Variants in GALNT13 observed in about 807,000 individuals in gnomAD.
GALNT13 encodes the protein UDP-GalNAc:polypeptide N-acetylgalactosaminyltransferase 13.
A neutral mutation model predicts 64.2 loss-of-function variants in GALNT13; 28 were observed. The ratio of observed to expected loss-of-function variants is 0.44; its 90% CI spans 0.32 to 0.60. GALNT13 has a LOEUF of 0.60. Ranked by LOEUF, GALNT13 falls within the 20% of genes least tolerant of loss-of-function variation. GALNT13 has a pLI of 0.05. For synonymous variants in GALNT13, 214 were observed against 224.6 expected (o/e 0.95, Z 0.42); for missense variants, 577 against 669.8 (o/e 0.86, Z 1.53).
At chr2:153,205,353 C>T in the GALNT13 span, among the ~76,000 whole-genome samples, 6,691 of 151,996 alleles carry the variant, frequency 0.044, 508 homozygotes, top group African/African-American at 0.15. Flanking sequence ...GATCTAATGT[C>T]ACTTCCGTCT....
At chr2:153,087,227 A>G in the GALNT13 span, among the ~76,000 whole-genome samples, 3 of 152,110 alleles carry the variant, frequency 2.0e-5, no homozygotes, top group African/African-American at 7.2e-5. Context: ...TTCTGCTTCT[A>G]TTGAGATGAT....
chr2:153,413,093 G>A, the GALNT13 span, among the ~76,000 whole-genome samples: 3 of 152,090 alleles, frequency 2.0e-5, no homozygotes, highest in East Asian at 1.9e-4. Flanking sequence ...GCCCAAAAGG[G>A]GAGAGTTGGA....
At chr2:153,632,782 C>T in the GALNT13 span, among the ~76,000 whole-genome samples, 2 of 151,838 alleles carry the variant, frequency 1.3e-5, no homozygotes, top group African/African-American at 4.8e-5. Flanking sequence ...GATGGAGTCT[C>T]ACTCTTTTTG....
chr2:154,199,316 T>G (rs1020027413), intron 4 of GALNT13, among the ~76,000 whole-genome samples: 15 of 152,052 alleles, frequency 9.9e-5, no homozygotes, highest in African/African-American at 3.6e-4. Flanking sequence ...GGGAAGCATT[T>G]TAAGTCTAGG....
chr2:154,403,094 A>G (rs1026298293), intron 10 of GALNT13, among the ~76,000 whole-genome samples: 2 of 152,156 alleles, frequency 1.3e-5, no homozygotes, highest in Admixed American at 6.6e-5. Context: ...ATGTGCTTCT[A>G]TCTGCCCCCT....
At chr2:153,393,947 TACACACACACACAC>T in the GALNT13 span, among the ~76,000 whole-genome samples, 2 of 128,176 alleles carry the variant, frequency 1.6e-5, no homozygotes, top group Admixed American at 7.9e-5. Context: ...TCTCTCTGTC[TACACACACACACAC>T]ACACACACAC....
intron 9 of GALNT13, among the ~76,000 whole-genome samples, chr2:154,319,502 C>T (rs62172265): frequency 0.15 from 22,839 of 151,788 alleles, 1,977 homozygotes; most frequent in Middle Eastern, 0.25. Flanking sequence ...CCCATCTCTA[C>T]TAAACATAAA....
chr2:153,566,788 T>C, the GALNT13 span, among the ~76,000 whole-genome samples: 1 of 152,134 alleles, frequency 6.6e-6, no homozygotes. Context: ...CCCATTATTC[T>C]ACAGTGCCTC....
chr2:153,798,887 G>A, the GALNT13 span, among the ~76,000 whole-genome samples: 1 of 152,048 alleles, frequency 6.6e-6, no homozygotes, highest in Admixed American at 6.6e-5. Flanking sequence ...ATAACATTAA[G>A]CACTATTATT....
chr2:154,045,936 T>C (rs1271266984), intron 3 of GALNT13, among the ~76,000 whole-genome samples: 2 of 152,198 alleles, frequency 1.3e-5, no homozygotes, highest in Non-Finnish European at 2.9e-5. Flanking sequence ...GTAAGTCTTT[T>C]TTTTCCTGTT....
At chr2:153,426,736 A>C in the GALNT13 span, among the ~76,000 whole-genome samples, 2 of 151,886 alleles carry the variant, frequency 1.3e-5, no homozygotes, top group Non-Finnish European at 1.5e-5. Flanking sequence ...GTTTCATCTT[A>C]TGAGATTGAA....
At chr2:153,745,316 C>A in the GALNT13 span, among the ~76,000 whole-genome samples, 13 of 152,120 alleles carry the variant, frequency 8.5e-5, 1 homozygote, top group African/African-American at 2.4e-4. Flanking sequence ...TTATAGAAAT[C>A]GAGTCCTACA....
intron 3 of GALNT13, among the ~76,000 whole-genome samples, chr2:153,992,652 C>G (rs1695237656): frequency 1.3e-5 from 2 of 151,870 alleles, no homozygotes; most frequent in Non-Finnish European, 2.9e-5. Context: ...TAAGTGTATC[C>G]CCTTCTAGTA....
the GALNT13 span, among the ~76,000 whole-genome samples, chr2:153,202,054 G>C: frequency 4.9e-5 from 7 of 142,636 alleles, no homozygotes; most frequent in Non-Finnish European, 9.0e-5. Context: ...GCGCAATCTC[G>C]GCTCACTGCA....
At chr2:153,496,214 T>C in the GALNT13 span, among the ~76,000 whole-genome samples, 1 of 152,242 alleles carries the variant, frequency 6.6e-6, no homozygotes, top group East Asian at 1.9e-4. Context: ...TGTTCCATTT[T>C]CTTTAGCTCA....
At chr2:153,863,042 G>A in the GALNT13 span, among the ~76,000 whole-genome samples, 8 of 151,926 alleles carry the variant, frequency 5.3e-5, no homozygotes, top group South Asian at 4.1e-4. Context: ...TATCCATATC[G>A]TAACCAGATA....
chr2:153,629,296 A>G, the GALNT13 span, among the ~76,000 whole-genome samples: 1 of 152,020 alleles, frequency 6.6e-6, no homozygotes, highest in Non-Finnish European at 1.5e-5. Context: ...GTACCAAAAC[A>G]GAGATATAGA....
At chr2:153,776,722 T>C in the GALNT13 span, among the ~76,000 whole-genome samples, 1 of 152,234 alleles carries the variant, frequency 6.6e-6, no homozygotes, top group South Asian at 2.1e-4. Context: ...TAACAATCTT[T>C]GTAGCTTCTC....
the GALNT13 span, among the ~76,000 whole-genome samples, chr2:153,765,027 GGATGTCCAGGCAGA>G: frequency 1.3e-5 from 2 of 152,228 alleles, no homozygotes; most frequent in Non-Finnish European, 2.9e-5. Flanking sequence ...GAAAATGCCT[GGATGTCCAGGCAGA>G]GATGTGCTGC....
Sources: allele counts gnomAD v4.1 joint callset (sites outside exome capture counted in the v4.1 genomes callset), GRCh38; gene constraint gnomAD v4.1.1; transcripts MANE v1.5; gene names NCBI Gene and HGNC (gene_info 2026-07-23, HGNC 2026-07-21).